The following EYS variants were observed in gnomAD, a reference collection of about 807,000 sequenced individuals.
The protein encoded by EYS is EGF-like photoreceptor maintenance factor.
Under a neutral mutation model 282.1 loss-of-function variants are expected in EYS, and 250 were observed. The ratio of observed to expected loss-of-function variants is 0.89; its 90% confidence interval spans 0.80 to 0.98. The LOEUF is 0.98. Among genes scored for constraint, EYS ranks in the 50% least tolerant of loss-of-function variants. The pLI is 0.00. For missense variants in EYS, 4,016 were observed against 3,709.0 expected (o/e 1.08, Z -2.15); for synonymous variants, 1,355 against 1,282.9 (o/e 1.06, Z -1.20).
At chr6:65,567,384 T>C (rs1582464896) in intron 2 of EYS, among the ~76,000 whole-genome samples, 2 of 151,144 alleles carry the variant, frequency 1.3e-5, no homozygotes, top group African/African-American at 4.8e-5. Context: ...TATATTTGTA[T>C]AGTAATAAAA....
chr6:64,237,179 ATTTC>A (rs1334966508), intron 30 of EYS, among the ~76,000 whole-genome samples: 2 of 152,304 alleles, frequency 1.3e-5, no homozygotes, highest in South Asian at 2.1e-4. Flanking sequence ...TTCAAATTAT[ATTTC>A]TTTATTAATA....
intron 13 of EYS, among the ~76,000 whole-genome samples, chr6:65,024,054 C>G (rs1386783636): frequency 6.6e-6 from 1 of 152,140 alleles, no homozygotes; most frequent in African/African-American, 2.4e-5. Context: ...AAACCTCAGT[C>G]TTCTGGGTGG....
chr6:64,157,652 G>C (rs1310432290), intron 31 of EYS, among the ~76,000 whole-genome samples: 1 of 152,216 alleles, frequency 6.6e-6, no homozygotes, highest in Admixed American at 6.5e-5. Context: ...CTAACATAGA[G>C]CTTGGGCCAT....
intron 2 of EYS, among the ~76,000 whole-genome samples, chr6:65,532,406 T>C (rs1029585813): frequency 8.5e-5 from 13 of 152,178 alleles, no homozygotes; most frequent in African/African-American, 2.7e-4. Context: ...ATACTTGTTT[T>C]GTTCTGCCAT....
intron 19 of EYS, among the ~76,000 whole-genome samples, chr6:64,885,552 A>G (rs1051732857): frequency 2.6e-5 from 4 of 151,838 alleles, no homozygotes; most frequent in African/African-American, 9.7e-5. Context: ...ATAGCTCAAT[A>G]ATTTTGAAGA....
chr6:63,765,052 G>GCAC lies in EYS; in HGVS notation c.7899-2420_7899-2419insGTG, dbSNP rs528071509. ...ACATATACTACTCTGCCCTGAGGAGGAGTAGATTTTGTAGAAGTATGTGTG... is the reference window on the plus strand; with the variant it reads ...ACATATACTACTCTGCCCTGAGGAGGCACAGTAGATTTTGTAGAAGTATGTGTG... On this transcript the variant is annotated intron_variant, in intron 40 of 42. Transcript: ENST00000503581. Among the ~76,000 whole-genome samples the GCAC allele has an allele frequency of 7.5e-3, 1,134 of 152,102 alleles. 18 individuals carry two copies. Among genetic ancestry groups the GCAC allele is most frequent in the African/African-American group, 0.026 (1,064 of 41,516 alleles).
chr6:64,870,018 C>T (rs771400672), intron 19 of EYS, among the ~76,000 whole-genome samples: 1 of 151,472 alleles, frequency 6.6e-6, no homozygotes, highest in Non-Finnish European at 1.5e-5. Flanking sequence ...CTAAGATGGT[C>T]TTTTAAGTTA....
intron 36 of EYS, among the ~76,000 whole-genome samples, chr6:63,827,188 A>G (rs1205094007): frequency 2.0e-5 from 3 of 152,252 alleles, no homozygotes; most frequent in Admixed American, 6.5e-5. Flanking sequence ...AGGACAGTAT[A>G]TAATGATAAA....
intron 12 of EYS, among the ~76,000 whole-genome samples, chr6:65,279,290 A>C (rs1024565400): frequency 2.0e-5 from 3 of 151,650 alleles, no homozygotes; most frequent in African/African-American, 7.3e-5. Flanking sequence ...TTTCTCCCTG[A>C]CTTTCTCATA....
intron 12 of EYS, among the ~76,000 whole-genome samples, chr6:65,248,947 A>G (rs1767249853): frequency 3.3e-5 from 5 of 151,718 alleles, no homozygotes; most frequent in Admixed American, 3.3e-4. Context: ...TGGCTGCCAG[A>G]CTCCTTTGTG....
chr6:64,236,205 C>T (rs2150340784), intron 30 of EYS, among the ~76,000 whole-genome samples: 1 of 152,296 alleles, frequency 6.6e-6, no homozygotes, highest in East Asian at 1.9e-4. Context: ...TATCTCCTGA[C>T]CTTGTGCTCC....
At chr6:65,665,651 T>G (rs7761627) in intron 1 of EYS, among the ~76,000 whole-genome samples, 124,232 of 151,928 alleles carry the variant, frequency 0.82, 50,892 homozygotes, top group East Asian at 0.85. Flanking sequence ...TGTGTGAAGG[T>G]GTCCAGTGAG....
chr6:65,566,628 T>C (rs1189662786), intron 2 of EYS, among the ~76,000 whole-genome samples: 3 of 152,050 alleles, frequency 2.0e-5, no homozygotes, highest in Non-Finnish European at 4.4e-5. Context: ...TAACAAAAGT[T>C]AAAAAACAAA....
At chr6:64,472,520 C>CA (rs768138505) in intron 26 of EYS, among the ~76,000 whole-genome samples, 2 of 152,142 alleles carry the variant, frequency 1.3e-5, no homozygotes, top group Non-Finnish European at 2.9e-5. Flanking sequence ...TTCAGAATAT[C>CA]AAACTCAGGT....
chr6:65,343,316 C>A lies in EYS; in HGVS notation c.1599+722G>T, dbSNP rs1179410960. 2.0e-5 allele frequency among the ~76,000 whole-genome samples: 3 copies of A among 151,348 alleles called. No individual in the cohort carries two copies. In the South Asian group the frequency reaches 6.2e-4, roughly 31 times the overall value. On this transcript the variant is annotated intron_variant, in intron 10 of 42. Transcript: ENST00000503581. The stretch of plus-strand genomic sequence containing the variant: ...TACAATATGCAGAATTAAAACATGG[C>A]TTTCTTAAAATGACCAAATTAGGAT...
intron 28 of EYS, among the ~76,000 whole-genome samples, chr6:64,391,372 A>G (rs1773132720): frequency 6.6e-6 from 1 of 152,168 alleles, no homozygotes; most frequent in Non-Finnish European, 1.5e-5. Context: ...GGGCAGCCAG[A>G]GAGAAAGGTC....
chr6:64,080,013 G>A (rs1383574791), intron 32 of EYS, among the ~76,000 whole-genome samples: 2 of 152,138 alleles, frequency 1.3e-5, no homozygotes, highest in East Asian at 3.9e-4. Context: ...ATTGTGAATA[G>A]TGCCACAATA....
chr6:65,561,798 A>C (rs1316777217), intron 2 of EYS, among the ~76,000 whole-genome samples: 4 of 151,962 alleles, frequency 2.6e-5, no homozygotes, highest in Admixed American at 6.6e-5. Context: ...CAAATCTTTT[A>C]AGATACATGT....
At chr6:65,410,064 T>C (rs1582256110) in intron 5 of EYS, among the ~76,000 whole-genome samples, 1 of 152,054 alleles carries the variant, frequency 6.6e-6, no homozygotes, top group East Asian at 1.9e-4. Flanking sequence ...CAAATATTGA[T>C]ATTTGATTAG....
Sources: allele counts gnomAD v4.1 joint callset (sites outside exome capture counted in the v4.1 genomes callset), GRCh38; gene constraint gnomAD v4.1.1; transcripts MANE v1.5; gene names NCBI Gene and HGNC (gene_info 2026-07-23, HGNC 2026-07-21).